The following LCN1 variants were observed in gnomAD, a reference collection of about 807,000 sequenced individuals.
LCN1 encodes lipocalin-1.
Under a neutral mutation model 22.3 loss-of-function variants are expected in LCN1, and 25 were observed. The observed-to-expected ratio is 1.12, with a 90% CI of 0.82 to 1.56. LCN1 has a LOEUF of 1.56. Ranked by LOEUF, LCN1 falls within the 40% of genes most tolerant of loss-of-function variation. The probability of loss-of-function intolerance (pLI) is 0.00; values close to 1 mark genes in which losing one functional copy is unlikely to be tolerated. For missense variants in LCN1, 219 were observed against 235.6 expected (o/e 0.93, Z 0.46); for synonymous variants, 85 against 97.6 (o/e 0.87, Z 0.76).
chr9:135,524,014 C>G (rs1416416918), intron 4 of LCN1, 24 bp downstream of exon 4: 2 of 1,559,708 alleles, frequency 1.3e-6, no homozygotes, highest in Non-Finnish European at 1.8e-6. Context: ...CCTCACCCTG[C>G]AACCCATGCC....
chr9:135,523,577 T>A (rs1831552877), intron 3 of LCN1, among the ~76,000 whole-genome samples: 1 of 151,814 alleles, frequency 6.6e-6, no homozygotes, highest in Admixed American at 6.6e-5. Context: ...AGGAGCAGAG[T>A]CGTATTTGGC....
Position 135,526,329 on chromosome 9 carries a change from T to TC in LCN1, c.*2-8dup, listed in dbSNP as rs1387272149. The TC allele has an allele frequency of 9.7e-6, 9 of 932,526 alleles. No individual in the cohort carries two copies. The highest frequency in any genetic ancestry group is 1.2e-4 in the East Asian group (1 of 8,206). The allele number at this position is 932,526 out of a possible 1,614,324, so 57.8% of individuals were successfully genotyped here. On this transcript the variant is annotated splice_polypyrimidine_tract_variant and intron_variant, in intron 6 of 6. Coordinates refer to ENST00000371781, the MANE Select transcript of LCN1 (RefSeq NM_002297.4). ...CTTGCTGTCCTGGCCTCACTCACCCTCCCCCCCTTTCCAGGGCAGGGGACA... is the reference window on the plus strand; with the variant it reads ...CTTGCTGTCCTGGCCTCACTCACCCTCCCCCCCCTTTCCAGGGCAGGGGACA...
At chr9:135,524,998 A>C (rs1831596187) in intron 5 of LCN1, 67 bp downstream of exon 5, 12 of 1,555,078 alleles carry the variant, frequency 7.7e-6, no homozygotes, top group Non-Finnish European at 1.1e-5. Flanking sequence ...GCTGCATTGC[A>C]CGGGCGCATA....
At chr9:135,524,623 G>T (rs747976882) in intron 4 of LCN1, among the ~76,000 whole-genome samples, 1 of 152,138 alleles carries the variant, frequency 6.6e-6, no homozygotes, top group African/African-American at 2.4e-5. Context: ...AGCCCTTCCC[G>T]TTCTCCCGGT....
At position 135,525,143 on chromosome 9, in the gene LCN1, C is replaced by A. The variant is rs1330163557; in HGVS notation, c.517C>A (p.Pro173Thr). The stretch of plus-strand genomic sequence containing the variant: ...TCCTTTTCCTGCAGAAACCTGCTCT[C>A]CAGGGAGCGATTAGGGTGAGTGAAC... Reference protein sequence around the residue: ...LIPRQSETCSPGSD With the variant: ...LIPRQSETCSTGSD The change falls in exon 6 of 7, where the codon CCA (proline) becomes ACA (threonine). Residue 173 changes from proline (P) to threonine (T), a missense_variant. By Grantham distance (38) the Pro-to-Thr change is conservative. Coordinates refer to ENST00000371781, the MANE Select transcript of LCN1 (RefSeq NM_002297.4). The A allele has an allele frequency of 1.2e-6, 2 of 1,613,688 alleles. No homozygotes were observed. The highest frequency in any genetic ancestry group is 1.7e-6 in the Non-Finnish European group (2 of 1,179,746).
Position 135,525,176 on chromosome 9 carries a change from G to C in LCN1, c.*1+18G>C. The C allele has an allele frequency of 6.2e-7, 1 of 1,611,786 alleles. No individual in the cohort carries two copies. The highest frequency in any genetic ancestry group is 1.1e-5 in the South Asian group (1 of 90,658). Reference sequence around the variant, plus strand: ...CGATTAGGGTGAGTGAACAGCTTTAGAGGACATTTGAGAAAATCCAGTTCT... The same window carrying C: ...CGATTAGGGTGAGTGAACAGCTTTACAGGACATTTGAGAAAATCCAGTTCT... On this transcript the variant is annotated intron_variant, in intron 6 of 6. Transcript: ENST00000371781.
Position 135,522,165 on chromosome 9 carries a change from A to G in LCN1, c.209A>G (p.Lys70Arg), listed in dbSNP as rs778407818. Residue 70 changes from lysine (K) to arginine (R), a missense_variant, in exon 2 of 7, where the codon AAG (lysine) becomes AGG (arginine). Lys to Arg is a conservative substitution (Grantham distance 26, BLOSUM62 2). Coordinates refer to ENST00000371781, the MANE Select transcript of LCN1 (RefSeq NM_002297.4). ...CTGGAAGGGGGCAACCTGGAAGCCA[A>G]GGTCACCATGCTGTGAGTGTCTGCC... The part of the protein sequence containing the change: ...TTLEGGNLEA[K>R]VTMLISGRCQ... 9 of 1,605,474 alleles carry G rather than the reference A, an allele frequency of 5.6e-6. No individual in the cohort carries two copies. The highest frequency in any genetic ancestry group is 1.7e-5 in the Admixed American group (1 of 58,978).
At chr9:135,525,491 G>A (rs1326405591) in intron 6 of LCN1, among the ~76,000 whole-genome samples, 2 of 152,112 alleles carry the variant, frequency 1.3e-5, no homozygotes, top group East Asian at 1.9e-4. Flanking sequence ...CCTCACCCTC[G>A]GCCATGCCTG....
chr9:135,523,927 C>A lies in LCN1; in HGVS notation c.340C>A (p.His114Asn), dbSNP rs367725856. Residue 114 changes from histidine to asparagine, a missense_variant, in exon 4 of 7, where the codon CAC becomes AAC. His to Asn is a moderately conservative substitution (Grantham distance 68). Coordinates refer to ENST00000371781, the MANE Select transcript of LCN1 (RefSeq NM_002297.4). ...AYIIRSHVKD[H>N]YIFYCEGELH... ...CATCATCAGGTCGCACGTGAAGGAC[C>A]ACTACATCTTTTACTGTGAGGGCGA... 1 of 1,614,106 alleles carries A rather than the reference C, an allele frequency of 6.2e-7. No individual in the cohort carries two copies. The highest frequency in any genetic ancestry group is 8.5e-7 in the Non-Finnish European group (1 of 1,180,002).
Position 135,526,470 on chromosome 9 carries a change from C to T in LCN1, c.*128C>T, listed in dbSNP as rs548879365. The T allele has an allele frequency of 7.8e-7, 1 of 1,277,386 alleles. No homozygotes were observed. The highest frequency in any genetic ancestry group is 1.0e-6 in the Non-Finnish European group (1 of 979,866). The allele number at this position is 1,277,386 out of a possible 1,614,324, so 79.1% of individuals were successfully genotyped here. On this transcript the variant is annotated 3_prime_UTR_variant, in exon 7 of 7. Transcript: ENST00000371781. ...CGGCTGGCTGCACCCCTTCCTACCACCCCCCGCCTTCCCCCTGCCCTGCGC... is the reference window on the plus strand; with the variant it reads ...CGGCTGGCTGCACCCCTTCCTACCATCCCCCGCCTTCCCCCTGCCCTGCGC...
intron 1 of LCN1, 78 bp downstream of exon 1, chr9:135,521,665 C>T (rs1163643123): frequency 7.9e-7 from 1 of 1,269,676 alleles, no homozygotes; most frequent in African/African-American, 1.5e-5. Flanking sequence ...CATGCCTCCT[C>T]CATCCAAGGA....
intron 6 of LCN1, among the ~76,000 whole-genome samples, 153 bp from the exon 7 acceptor site, chr9:135,526,191 C>T: frequency 7.4e-6 from 1 of 134,550 alleles, no homozygotes; most frequent in South Asian, 2.7e-4. Flanking sequence ...CATCACAGCC[C>T]CCAAGAGTGC....
At position 135,524,017 on chromosome 9, in the gene LCN1, C is replaced by T; in HGVS notation, c.403+27C>T. Reference sequence around the variant, plus strand: ...TGGGTCCCGCACCCTCACCCTGCAACCCATGCCTCCACCTGCCCTCCCTCC... The same window carrying T: ...TGGGTCCCGCACCCTCACCCTGCAATCCATGCCTCCACCTGCCCTCCCTCC... On this transcript the variant is annotated intron_variant, in intron 4 of 6. Transcript: ENST00000371781. The T allele has an allele frequency of 1.9e-6, 3 of 1,553,482 alleles. No individual in the cohort carries two copies. The South Asian group carries it at 3.3e-5, about 17-fold the overall frequency.
rs111794576 is a variant in LCN1 at position 135,525,671 on chromosome 9, C to T, written c.*1+513C>T. Among the ~76,000 whole-genome samples the T allele has an allele frequency of 1.1e-4, 16 of 152,168 alleles. No individual in the cohort carries two copies. In the South Asian group the frequency reaches 2.7e-3, roughly 26 times the overall value. On this transcript the variant is annotated intron_variant, in intron 6 of 6. Coordinates refer to ENST00000371781, the MANE Select transcript of LCN1 (RefSeq NM_002297.4). Reference sequence around the variant, plus strand: ...GCAGAGCCAGAATCCTGGACAGCATCGCTGTCCTTCCCGCACCCTCCCCTT... The same window carrying T: ...GCAGAGCCAGAATCCTGGACAGCATTGCTGTCCTTCCCGCACCCTCCCCTT...
At chr9:135,521,817 A>G (rs55790166) in intron 1 of LCN1, among the ~76,000 whole-genome samples, 42,945 of 151,698 alleles carry the variant, frequency 0.28, 8,290 homozygotes, top group African/African-American at 0.55. Flanking sequence ...GGCTGACTTC[A>G]CTTCTTCCCT....
chr9:135,525,243 C>T, intron 6 of LCN1, 85 bp downstream of exon 6: 1 of 1,351,266 alleles, frequency 7.4e-7, no homozygotes, highest in East Asian at 2.3e-5. Context: ...GTCTCTCCCA[C>T]CCATCCCACT....
chr9:135,526,261 C>T (rs1000349069), intron 6 of LCN1, 83 bp from the exon 7 acceptor site: 6 of 447,076 alleles, frequency 1.3e-5, no homozygotes, highest in Non-Finnish European at 2.2e-5. Context: ...ACTGCAGCAC[C>T]CAAGAGCCCA....
intron 4 of LCN1, among the ~76,000 whole-genome samples, chr9:135,524,424 TG>T (rs1051147641): frequency 6.6e-6 from 1 of 152,116 alleles, no homozygotes; most frequent in Non-Finnish European, 1.5e-5. Context: ...CCACAGATGG[TG>T]ACTCATCAGT....
At chr9:135,522,012 T>C in intron 1 of LCN1, 35 bp from the exon 2 acceptor site, 1 of 1,586,922 alleles carries the variant, frequency 6.3e-7, no homozygotes, top group Non-Finnish European at 8.6e-7. Flanking sequence ...TCTGGAGCAG[T>C]CGGCCTGAGC....
Sources: gnomAD v4.1 joint callset for allele counts (sites outside exome capture counted in the v4.1 genomes callset) on GRCh38, gnomAD v4.1.1 for gene constraint, MANE v1.5 for transcripts, NCBI Gene and HGNC (gene_info 2026-07-23, HGNC 2026-07-21) for gene names.